SMOC2: variants seen among roughly 807,000 people sequenced by gnomAD.
The protein encoded by SMOC2 is SPARC-related modular calcium-binding protein 2.
A neutral mutation model predicts 61.4 loss-of-function variants in SMOC2; 39 were observed. That is an observed-to-expected ratio of 0.64 (90% CI 0.49 to 0.83). The LOEUF (loss-of-function observed/expected upper bound fraction) is 0.83, where lower values mean the gene tolerates loss of function less well. SMOC2 is among the 40% of genes least tolerant of loss of function. The pLI, the probability that SMOC2 is intolerant of heterozygous loss-of-function variation, is 0.00. For missense variants in SMOC2, 556 were observed against 592.9 expected, an observed-to-expected ratio of 0.94 and a Z score of 0.65; for synonymous variants, 247 against 239.9, an observed-to-expected ratio of 1.03 and a Z score of -0.27.
intron 8 of SMOC2, among the ~76,000 whole-genome samples, chr6:168,601,543 T>C (rs1476226013): frequency 6.6e-6 from 1 of 152,198 alleles, no homozygotes; most frequent in Non-Finnish European, 1.5e-5. Context: ...GGGAGTACTG[T>C]TTTCTAAGAA....
intron 1 of SMOC2, among the ~76,000 whole-genome samples, chr6:168,469,537 C>G (rs1010155401): frequency 4.6e-5 from 7 of 152,190 alleles, no homozygotes; most frequent in African/African-American, 1.7e-4. Flanking sequence ...GTAAATCTTT[C>G]TGTTCGTAAA....
intron 11 of SMOC2, among the ~76,000 whole-genome samples, chr6:168,656,762 T>C (rs1191339076): frequency 6.6e-6 from 1 of 152,202 alleles, no homozygotes; most frequent in Non-Finnish European, 1.5e-5. Flanking sequence ...CACTTCCTGC[T>C]AATTTCTCTG....
At chr6:168,592,030 C>T (rs925172156) in intron 7 of SMOC2, among the ~76,000 whole-genome samples, 7 of 152,186 alleles carry the variant, frequency 4.6e-5, no homozygotes, top group African/African-American at 1.7e-4. Context: ...AAAACTTGAA[C>T]TTTGGTTCCT....
intron 1 of SMOC2, among the ~76,000 whole-genome samples, chr6:168,469,371 A>G (rs1781917737): frequency 6.6e-6 from 1 of 152,170 alleles, no homozygotes; most frequent in Admixed American, 6.5e-5. Flanking sequence ...AGTTTGGCAA[A>G]ACTGAAAGGA....
intron 12 of SMOC2, chr6:168,664,382 ATCTTT>A (rs762305916): frequency 0.01 from 3,151 of 302,358 alleles, 92 homozygotes; most frequent in African/African-American, 0.089. Flanking sequence ...TGTTTGGTAG[ATCTTT>A]TTTTTTTTTT....
chr6:168,637,644 A>G (rs960380883), intron 9 of SMOC2, among the ~76,000 whole-genome samples: 1 of 152,168 alleles, frequency 6.6e-6, no homozygotes. Context: ...CAGGCTTGTA[A>G]CATTTCATAG....
intron 7 of SMOC2, among the ~76,000 whole-genome samples, chr6:168,588,454 C>T (rs1410724738): frequency 6.6e-6 from 1 of 151,746 alleles, no homozygotes; most frequent in Admixed American, 6.6e-5. Context: ...TCATCTCATT[C>T]CCAGCCGGAG....
At chr6:168,595,382 C>T (rs772019676) in intron 7 of SMOC2, among the ~76,000 whole-genome samples, 11 of 152,200 alleles carry the variant, frequency 7.2e-5, no homozygotes, top group Non-Finnish European at 1.6e-4. Context: ...GAATTCACCC[C>T]TCCTTGTTCC....
rs188259095 is a variant in SMOC2, at chr6:168,618,251, A to G, written c.907+10012A>G. Among the ~76,000 whole-genome samples the G allele has an allele frequency of 4.6e-5, 7 of 152,370 alleles. No homozygotes were observed. In the East Asian group the frequency reaches 1.4e-3, roughly 29 times the overall value. ...GAGCCCTACAAACAAGCCGATCATG[A>G]TTAGTAACAACACACAGCTTGCAAT... On this transcript the variant is annotated intron_variant, in intron 9 of 12. Transcript: ENST00000356284.
At chr6:168,518,437 G>A (rs1433399434) in intron 2 of SMOC2, among the ~76,000 whole-genome samples, 2 of 143,686 alleles carry the variant, frequency 1.4e-5, no homozygotes, top group African/African-American at 5.2e-5. Flanking sequence ...GTGCATGTGT[G>A]ACTGTGAATG....
intron 6 of SMOC2, among the ~76,000 whole-genome samples, chr6:168,547,593 G>A (rs568556533): frequency 3.9e-5 from 6 of 152,164 alleles, no homozygotes; most frequent in Admixed American, 1.3e-4. Flanking sequence ...ATGATGAAAC[G>A]GCAACGGATG....
At chr6:168,448,775 A>C (rs757204433) in intron 1 of SMOC2, among the ~76,000 whole-genome samples, 1 of 152,196 alleles carries the variant, frequency 6.6e-6, no homozygotes, top group Non-Finnish European at 1.5e-5. Flanking sequence ...TAATTAACAT[A>C]TTCGTAGCAC....
At chr6:168,537,221 C>G (rs375506510) in intron 4 of SMOC2, among the ~76,000 whole-genome samples, 3 of 150,776 alleles carry the variant, frequency 2.0e-5, no homozygotes, top group African/African-American at 7.4e-5. Flanking sequence ...AAAGCCGGTC[C>G]TATTTAGAGA....
At chr6:168,464,874 C>T (rs1781793852) in intron 1 of SMOC2, among the ~76,000 whole-genome samples, 1 of 152,210 alleles carries the variant, frequency 6.6e-6, no homozygotes, top group Non-Finnish European at 1.5e-5. Context: ...CAGAAGTGCC[C>T]TGGAAACCTG....
At chr6:168,509,120 G>T (rs536673877) in intron 1 of SMOC2, among the ~76,000 whole-genome samples, 1 of 152,170 alleles carries the variant, frequency 6.6e-6, no homozygotes, top group East Asian at 1.9e-4. Context: ...GGGCCAGCAC[G>T]CCCAGATCGG....
chr6:168,524,353 C>T (rs1298755901), intron 2 of SMOC2, among the ~76,000 whole-genome samples: 2 of 152,148 alleles, frequency 1.3e-5, no homozygotes, highest in African/African-American at 2.4e-5. Context: ...TAATTGTTTC[C>T]TATGACTAAA....
At chr6:168,600,407 CAAAA>C (rs776962137) in intron 8 of SMOC2, among the ~76,000 whole-genome samples, 3 of 24,314 alleles carry the variant, frequency 1.2e-4, no homozygotes, top group African/African-American at 4.0e-4. Flanking sequence ...AACTCTGCCT[CAAAA>C]AAAAAAAAAA....
intron 7 of SMOC2, among the ~76,000 whole-genome samples, chr6:168,589,231 A>G (rs1483688058): frequency 6.6e-6 from 1 of 152,228 alleles, no homozygotes; most frequent in African/African-American, 2.4e-5. Context: ...TACTGTCAAT[A>G]CTTGTAATAA....
chr6:168,495,103 C>G (rs1782554634), intron 1 of SMOC2, among the ~76,000 whole-genome samples: 1 of 152,224 alleles, frequency 6.6e-6, no homozygotes. Flanking sequence ...AGGGTGGGCT[C>G]AGGACACAGA....
Sources: allele counts gnomAD v4.1 joint callset (sites outside exome capture counted in the v4.1 genomes callset), GRCh38; gene constraint gnomAD v4.1.1; transcripts MANE v1.5; gene names NCBI Gene and HGNC (gene_info 2026-07-23, HGNC 2026-07-21).